MAST4: variants seen among roughly 807,000 people sequenced by gnomAD.
MAST4 encodes the protein microtubule-associated serine/threonine-protein kinase 4.
A neutral mutation model predicts 162.7 loss-of-function variants in MAST4; 89 were observed. The observed-to-expected ratio is 0.55, with a 90% CI of 0.46 to 0.65. The LOEUF (loss-of-function observed/expected upper bound fraction) is 0.65. Among genes scored for constraint, MAST4 ranks in the 30% least tolerant of loss-of-function variants. MAST4 has a pLI of 0.00. For synonymous variants in MAST4, 1,479 were observed against 1,361.1 expected, an observed-to-expected ratio of 1.09 and a Z score of -1.91; for missense variants, 3,153 against 3,374.0, an observed-to-expected ratio of 0.93 and a Z score of 1.62.
intron 19 of MAST4, among the ~76,000 whole-genome samples, chr5:67,140,628 C>T (rs188692836): frequency 1.1e-3 from 175 of 152,336 alleles, no homozygotes; most frequent in African/African-American, 4.0e-3. Flanking sequence ...GAATCTTTAC[C>T]CTCTGGGGGA....
At chr5:66,747,797 C>T (rs1232893913) in intron 1 of MAST4, among the ~76,000 whole-genome samples, 1 of 152,194 alleles carries the variant, frequency 6.6e-6, no homozygotes, top group African/African-American at 2.4e-5. Flanking sequence ...CTGTCCCGTG[C>T]ATTGCAGGAA....
At chr5:66,840,494 G>T (rs1172364881) in intron 3 of MAST4, among the ~76,000 whole-genome samples, 4 of 152,204 alleles carry the variant, frequency 2.6e-5, no homozygotes, top group Non-Finnish European at 5.9e-5. Flanking sequence ...TCAAACTTGG[G>T]TAGTGTGATA....
Position 67,163,592 on chromosome 5 carries a change from C to G in MAST4, c.4413C>G (p.Thr1471=). ...CCCGCAAGCACAGCCTGGAGGTGAC[C>G]CAAGAGGAGGTGCAGCGGGAGCAGT... is the stretch of plus-strand genomic sequence containing the variant. The part of the protein sequence containing the change: ...LCSRKHSLEV[T]QEEVQREQSQ... Residue 1471 remains threonine (T), a synonymous_variant, in exon 29 of 29, where the codon ACC becomes ACG. Transcript: ENST00000403625. The surrounding 1 kb of genome is among the most constrained non-coding windows in gnomAD (Gnocchi z 7.0). The G allele has an allele frequency of 6.3e-7, 1 of 1,597,634 alleles. No individual in the cohort carries two copies. Among genetic ancestry groups the G allele is most frequent in the Non-Finnish European group, 8.5e-7 (1 of 1,172,740 alleles).
intron 5 of MAST4, among the ~76,000 whole-genome samples, chr5:67,084,271 T>A (rs185921643): frequency 7.4e-4 from 113 of 152,338 alleles, no homozygotes; most frequent in Non-Finnish European, 1.3e-3. Context: ...ATTTTCTGTA[T>A]ACTGTTGTCA....
intron 3 of MAST4, among the ~76,000 whole-genome samples, chr5:66,892,668 G>T (rs1168967016): frequency 6.6e-6 from 1 of 151,706 alleles, no homozygotes; most frequent in Non-Finnish European, 1.5e-5. Flanking sequence ...ATCAGTACCA[G>T]CCCTCCCTGC....
At chr5:66,851,172 A>G (rs915916190) in intron 3 of MAST4, among the ~76,000 whole-genome samples, 1 of 152,228 alleles carries the variant, frequency 6.6e-6, no homozygotes, top group Non-Finnish European at 1.5e-5. Context: ...TGTAAGAGCC[A>G]TAATCTAATC....
At chr5:66,852,698 C>A (rs1385137228) in intron 3 of MAST4, among the ~76,000 whole-genome samples, 1 of 152,178 alleles carries the variant, frequency 6.6e-6, no homozygotes, top group South Asian at 2.1e-4. Context: ...ACAGATAAAT[C>A]TTTTGTATAG....
At chr5:66,760,709 C>T (rs531884022) in intron 2 of MAST4, among the ~76,000 whole-genome samples, 7 of 152,212 alleles carry the variant, frequency 4.6e-5, no homozygotes, top group African/African-American at 9.6e-5. Flanking sequence ...CATGTTGTTG[C>T]GTGTGTTAGT....
At chr5:66,615,216 A>G (rs1743590181) in intron 1 of MAST4, among the ~76,000 whole-genome samples, 1 of 152,144 alleles carries the variant, frequency 6.6e-6, no homozygotes, top group South Asian at 2.1e-4. Context: ...AGTCAAGATT[A>G]GTGGGTCCTG....
chr5:67,048,405 A>G (rs1360078621), intron 4 of MAST4, among the ~76,000 whole-genome samples: 2 of 152,210 alleles, frequency 1.3e-5, no homozygotes, highest in Non-Finnish European at 1.5e-5. Flanking sequence ...AGTATAATTC[A>G]TCCAAAAGTC....
chr5:67,027,331 C>G (rs6449842), intron 4 of MAST4, among the ~76,000 whole-genome samples: 28,683 of 152,104 alleles, frequency 0.19, 3,162 homozygotes, highest in Non-Finnish European at 0.25. Context: ...AGATTCCCAA[C>G]TATGCTGTGG....
In MAST4 at chr5:67,081,097, A is replaced by ATATC. The variant is rs1561626366; in HGVS notation, c.764-9065_764-9064insTATC. ...TAATTGTATATATTATATAATATAT[A>ATATC]ATTGTATATATTATATATTTTTTTT... On this transcript the variant is annotated intron_variant, in intron 5 of 28. Transcript: ENST00000403625. 5.1e-5 allele frequency among the ~76,000 whole-genome samples: 5 copies of ATATC among 97,434 alleles called. 2 individuals carry two copies. Among genetic ancestry groups the ATATC allele is most frequent in the African/African-American group, 2.7e-4 (5 of 18,456 alleles). The allele number at this position is 97,434 out of a possible 152,430, so 63.9% of individuals were successfully genotyped here.
chr5:66,882,034 A>G (rs576967356), intron 3 of MAST4, among the ~76,000 whole-genome samples: 3 of 152,342 alleles, frequency 2.0e-5, no homozygotes, highest in Admixed American at 6.5e-5. Context: ...GCTGGTGATA[A>G]CTTTTAGAAA....
chr5:67,152,977 A>G, intron 25 of MAST4, 111 bp downstream of exon 25: 1 of 895,932 alleles, frequency 1.1e-6, no homozygotes, highest in Non-Finnish European at 1.7e-6. Flanking sequence ...TGCATTTGCG[A>G]CCTGTTTCAT....
At chr5:66,934,242 T>C (rs1742479919) in intron 4 of MAST4, among the ~76,000 whole-genome samples, 1 of 152,030 alleles carries the variant, frequency 6.6e-6, no homozygotes, top group Admixed American at 6.5e-5. Flanking sequence ...TATTTTATTT[T>C]ATTTTTTGAG....
intron 3 of MAST4, chr5:66,792,117 A>T (rs1341798291): frequency 6.0e-6 from 1 of 165,382 alleles, no homozygotes; most frequent in African/African-American, 2.4e-5. Flanking sequence ...TAGACCTGAG[A>T]GAGAATTGTG....
At chr5:67,154,624 C>T (rs1436880815) in intron 26 of MAST4, among the ~76,000 whole-genome samples, 1 of 152,206 alleles carries the variant, frequency 6.6e-6, no homozygotes, top group African/African-American at 2.4e-5. Context: ...CCTTGCACAA[C>T]CCAAAGCCTT....
chr5:66,924,917 G>GAAAT (rs777344746), intron 4 of MAST4, among the ~76,000 whole-genome samples: 2 of 152,082 alleles, frequency 1.3e-5, no homozygotes, highest in Non-Finnish European at 2.9e-5. Flanking sequence ...CAGCATTTAA[G>GAAAT]AAATAGGATA....
intron 2 of MAST4, among the ~76,000 whole-genome samples, chr5:66,783,738 A>G (rs1017829607): frequency 1.2e-4 from 18 of 152,118 alleles, no homozygotes; most frequent in Non-Finnish European, 1.2e-4. Context: ...ATGAGATGGC[A>G]TGCATGCTTG....
Sources: allele counts gnomAD v4.1 joint callset (sites outside exome capture counted in the v4.1 genomes callset), GRCh38; gene constraint gnomAD v4.1.1; non-coding constraint Gnocchi (gnomAD v3.1); transcripts MANE v1.5; gene names NCBI Gene and HGNC (gene_info 2026-07-23, HGNC 2026-07-21).